PTBP3: variants seen among roughly 807,000 people sequenced by gnomAD.
PTBP3 encodes polypyrimidine tract binding protein 3.
A neutral mutation model predicts 58.7 loss-of-function variants in PTBP3; 20 were observed. That is an observed-to-expected ratio of 0.34 (90% CI 0.24 to 0.50). PTBP3 has a LOEUF of 0.50. Ranked by LOEUF, PTBP3 falls within the 20% of genes least tolerant of loss-of-function variation. PTBP3 has a pLI of 0.98. For missense variants in PTBP3, 509 were observed against 637.2 expected (o/e 0.80, Z 2.17); for synonymous variants, 185 against 219.8 (o/e 0.84, Z 1.40).
intron 1 of PTBP3, among the ~76,000 whole-genome samples, chr9:112,301,713 A>G (rs948000609): frequency 1.2e-4 from 19 of 152,278 alleles, no homozygotes; most frequent in Admixed American, 7.9e-4. Context: ...TACATATGCA[A>G]TAAGATCAAA....
chr9:112,373,042 C>T, the PTBP3 span, among the ~76,000 whole-genome samples: 1 of 151,930 alleles, frequency 6.6e-6, no homozygotes, highest in Non-Finnish European at 1.5e-5. Flanking sequence ...CTACAGTGCC[C>T]GCCACCATGC....
In PTBP3 at chr9:112,220,097, T is replaced by C; in HGVS notation, c.*3754A>G. Reference sequence around the variant, plus strand: ...ATGCTTTACGCATCGTCACGCTGTCTCTTTTTGGTTTTAAAAATAGCAGTA... The same window carrying C: ...ATGCTTTACGCATCGTCACGCTGTCCCTTTTTGGTTTTAAAAATAGCAGTA... On this transcript the variant is annotated 3_prime_UTR_variant, in exon 14 of 14. Transcript: ENST00000374257. 1 of 1,228,290 alleles carries C rather than the reference T, an allele frequency of 8.1e-7. No individual in the cohort carries two copies. The highest frequency in any genetic ancestry group is 1.0e-6 in the Non-Finnish European group (1 of 958,226). The allele number at this position is 1,228,290 out of a possible 1,614,324, so 76.1% of individuals were successfully genotyped here. A position where few individuals can be genotyped will look rare whatever the true frequency, so the allele number is the denominator to read the frequency against.
In PTBP3 at chr9:112,223,735, C is replaced by A; in HGVS notation, c.*116G>T. 5 of 1,345,490 alleles carry A rather than the reference C, an allele frequency of 3.7e-6. No individual in the cohort carries two copies. Among genetic ancestry groups the A allele is most frequent in the South Asian group, 3.2e-5 (2 of 61,988 alleles). The allele number at this position is 1,345,490 out of a possible 1,614,324, so 83.3% of individuals were successfully genotyped here. A position where few individuals can be genotyped will look rare whatever the true frequency, so the allele number is the denominator to read the frequency against. The stretch of plus-strand genomic sequence containing the variant: ...TGATTTTTAAAATATACTTGAATAT[C>A]AAACTCAGAGTTATTTTTGTGAAAG... On this transcript the variant is annotated 3_prime_UTR_variant, in exon 14 of 14. Coordinates refer to ENST00000374257, the MANE Select transcript of PTBP3 (RefSeq NM_001163788.4).
At chr9:112,352,689 A>G in the PTBP3 span, among the ~76,000 whole-genome samples, 506 of 152,270 alleles carry the variant, frequency 3.3e-3, 1 homozygote, top group African/African-American at 0.011. Flanking sequence ...AATGGCACGG[A>G]GTGACTATTT....
chr9:112,333,063 C>T (rs1830443826), intron 1 of PTBP3: 1 of 1,269,882 alleles, frequency 7.9e-7, no homozygotes, highest in Non-Finnish European at 9.9e-7. Flanking sequence ...GGAGGACGCC[C>T]GCCCCGCGCG....
intron 1 of PTBP3, among the ~76,000 whole-genome samples, chr9:112,312,606 T>G (rs1829536929): frequency 7.1e-6 from 1 of 140,552 alleles, no homozygotes; most frequent in African/African-American, 2.7e-5. Context: ...TGAAAAATGG[T>G]GCAAATATGA....
At chr9:112,228,905 C>T (rs1027632031) in intron 10 of PTBP3, among the ~76,000 whole-genome samples, 4 of 152,282 alleles carry the variant, frequency 2.6e-5, no homozygotes, top group African/African-American at 9.6e-5. Context: ...TCCCAATCCT[C>T]GCTACCATCA....
At chr9:112,336,757 T>C (rs1255884432), upstream of PTBP3, among the ~76,000 whole-genome samples, 1 of 152,086 alleles carries the variant, frequency 6.6e-6, no homozygotes, top group Non-Finnish European at 1.5e-5. Context: ...TAAAAAATAA[T>C]ACAGGAAGAC....
At chr9:112,304,340 GA>G (rs920620934) in intron 1 of PTBP3, among the ~76,000 whole-genome samples, 9 of 151,868 alleles carry the variant, frequency 5.9e-5, no homozygotes, top group African/African-American at 1.9e-4. Flanking sequence ...TTTGTTTAGA[GA>G]AAAAAAAGGA....
chr9:112,365,239 G>T, the PTBP3 span, among the ~76,000 whole-genome samples: 1 of 151,868 alleles, frequency 6.6e-6, no homozygotes, highest in Non-Finnish European at 1.5e-5. Flanking sequence ...TCCATTGATG[G>T]ACACTGATAT....
intron 1 of PTBP3, among the ~76,000 whole-genome samples, chr9:112,303,774 G>C (rs541981906): frequency 6.6e-6 from 1 of 152,052 alleles, no homozygotes; most frequent in African/African-American, 2.4e-5. Flanking sequence ...TGAGGCAGGA[G>C]AATCACTTGA....
chr9:112,248,528 GGATA>G (rs1835975967), intron 7 of PTBP3, among the ~76,000 whole-genome samples: 1 of 151,844 alleles, frequency 6.6e-6, no homozygotes, highest in Admixed American at 6.6e-5. Flanking sequence ...ATGTATGAGA[GGATA>G]AATAATAAAA....
intron 1 of PTBP3, among the ~76,000 whole-genome samples, chr9:112,329,191 A>G (rs564447509): frequency 2.2e-4 from 33 of 151,998 alleles, no homozygotes; most frequent in Non-Finnish European, 4.7e-4. Context: ...AGGGCGGATC[A>G]CCTGAGGTCA....
chr9:112,285,256 ACT>A (rs1828063428), intron 2 of PTBP3, among the ~76,000 whole-genome samples: 1 of 151,470 alleles, frequency 6.6e-6, no homozygotes, highest in Admixed American at 6.6e-5. Flanking sequence ...CTTCACACTC[ACT>A]CTCTCTCGCC....
At chr9:112,292,555 GATAA>G (rs1828484990) in intron 2 of PTBP3, among the ~76,000 whole-genome samples, 1 of 152,078 alleles carries the variant, frequency 6.6e-6, no homozygotes, top group Non-Finnish European at 1.5e-5. Context: ...CAGATGAATG[GATAA>G]ATAAAATGTG....
intron 1 of PTBP3, among the ~76,000 whole-genome samples, chr9:112,309,559 G>A (rs1289407899): frequency 6.6e-6 from 1 of 152,128 alleles, no homozygotes; most frequent in Non-Finnish European, 1.5e-5. Context: ...GCCAAGGCGG[G>A]CGGACTGCCT....
At chr9:112,330,631 T>C (rs547169347) in intron 1 of PTBP3, among the ~76,000 whole-genome samples, 1 of 152,016 alleles carries the variant, frequency 6.6e-6, no homozygotes, top group South Asian at 2.1e-4. Flanking sequence ...CAAAGAAAAA[T>C]GATGAGACAG....
chr9:112,357,077 T>A, the PTBP3 span, among the ~76,000 whole-genome samples: 5 of 152,022 alleles, frequency 3.3e-5, no homozygotes, highest in African/African-American at 1.2e-4. Context: ...AGACGGGGTT[T>A]CACCATGTTG....
At chr9:112,335,220 A>G (rs115263851), upstream of PTBP3, among the ~76,000 whole-genome samples, 325 of 152,220 alleles carry the variant, frequency 2.1e-3, no homozygotes, top group African/African-American at 7.4e-3. Flanking sequence ...GCCCATGACT[A>G]CCACTGTAAC....
Sources: gnomAD v4.1 joint callset for allele counts (sites outside exome capture counted in the v4.1 genomes callset) on GRCh38, gnomAD v4.1.1 for gene constraint, MANE v1.5 for transcripts, NCBI Gene and HGNC (gene_info 2026-07-23, HGNC 2026-07-21) for gene names.